Variants in SEPTIN11 observed in about 807,000 individuals in gnomAD.
SEPTIN11 encodes the protein septin 11.
In SEPTIN11, 25 loss-of-function variants were observed where a neutral mutation model predicts 51.4. That is an observed-to-expected ratio of 0.49 (90% CI 0.35 to 0.68). The LOEUF (loss-of-function observed/expected upper bound fraction) is 0.68. Ranked by LOEUF, SEPTIN11 falls within the 30% of genes least tolerant of loss-of-function variation. The pLI is 0.00. For missense variants in SEPTIN11, 381 were observed against 520.8 expected, an observed-to-expected ratio of 0.73 and a Z score of 2.61; for synonymous variants, 174 against 184.1, an observed-to-expected ratio of 0.95 and a Z score of 0.44.
At chr4:76,987,158 C>T (rs1723072511) in intron 1 of SEPTIN11, among the ~76,000 whole-genome samples, 1 of 152,208 alleles carries the variant, frequency 6.6e-6, no homozygotes, top group African/African-American at 2.4e-5. Flanking sequence ...GCTTTGTGAC[C>T]TAGGGGCTGG....
chr4:77,021,205 A>G (rs1332655794), intron 7 of SEPTIN11: 1 of 152,526 alleles, frequency 6.6e-6, no homozygotes, highest in African/African-American at 2.4e-5. Context: ...CTTTTAGGAG[A>G]TCTATGTATT....
chr4:76,958,819 A>T, intron 1 of SEPTIN11: 1 of 1,294,448 alleles, frequency 7.7e-7, no homozygotes, highest in Non-Finnish European at 1.1e-6. Flanking sequence ...ATAAGTTTTA[A>T]ATAGTCAATG....
At chr4:76,986,454 G>A (rs532056724) in intron 1 of SEPTIN11, among the ~76,000 whole-genome samples, 11 of 152,230 alleles carry the variant, frequency 7.2e-5, no homozygotes, top group South Asian at 4.2e-4. Flanking sequence ...GGCAAGGATG[G>A]GCAAGAAAAG....
In SEPTIN11 at chr4:77,038,591, A is replaced by G. The variant is rs4859733; in HGVS notation, c.*4079A>G. 2 of 993,968 alleles carry G rather than the reference A, an allele frequency of 2.0e-6. No homozygotes were observed. The highest frequency in any genetic ancestry group is 1.7e-5 in the African/African-American group (1 of 57,294). 61.6% of individuals were successfully genotyped at this position (993,968 alleles called of 1,614,324 possible). ...CTAGTGCCAAGACATAAAGCGGGGG[A>G]AAATATATTTTTACCCAAACATTAT... On this transcript the variant is annotated 3_prime_UTR_variant, in exon 10 of 10. Transcript: ENST00000264893.
At chr4:76,976,471 A>G (rs1322861611) in intron 1 of SEPTIN11, among the ~76,000 whole-genome samples, 2 of 152,162 alleles carry the variant, frequency 1.3e-5, no homozygotes, top group Non-Finnish European at 2.9e-5. Context: ...AATGGCTTTC[A>G]ACCGTTCTAA....
rs116582288 is a variant in SEPTIN11 at position 76,973,667 on chromosome 4, C to T, written c.28-22758C>T. 3.8e-3 allele frequency among the ~76,000 whole-genome samples: 580 copies of T among 152,294 alleles called. 7 individuals carry two copies. The highest frequency in any genetic ancestry group is 0.013 in the African/African-American group (559 of 41,548). ...CTATTTATTTGGAAATATTCTGAAGCGATTCACTGGTATAATTTCATAGTG... is the reference window on the plus strand; with the variant it reads ...CTATTTATTTGGAAATATTCTGAAGTGATTCACTGGTATAATTTCATAGTG... On this transcript the variant is annotated intron_variant, in intron 1 of 9. Transcript: ENST00000264893.
rs1725290748 is a variant in SEPTIN11, at chr4:77,016,633, C to CATATATATATATATGTATAT, written c.687+1630_687+1631insGTATATATATATATATATAT. ...ATATACACATATATATATATATACACATATATATATATATATATATATACA... is the reference window on the plus strand; with the variant it reads ...ATATACACATATATATATATATACACATATATATATATATGTATATATATATATATATATATATATATACA... On this transcript the variant is annotated intron_variant, in intron 5 of 9. Coordinates refer to ENST00000264893, the MANE Select transcript of SEPTIN11 (RefSeq NM_018243.4). Among the ~76,000 whole-genome samples, 3 of 72,746 alleles carry CATATATATATATATGTATAT rather than the reference C, an allele frequency of 4.1e-5. No individual in the cohort carries two copies. In the South Asian group the frequency reaches 1.3e-3, roughly 31 times the overall value. The allele number at this position is 72,746 out of a possible 152,430, so 47.7% of individuals were successfully genotyped here.
Position 77,038,274 on chromosome 4 carries a change from A to T in SEPTIN11, c.*3762A>T. 3 of 985,682 alleles carry T rather than the reference A, an allele frequency of 3.0e-6. No individual in the cohort carries two copies. Among genetic ancestry groups the T allele is most frequent in the Non-Finnish European group, 3.6e-6 (3 of 829,730 alleles). The allele number at this position is 985,682 out of a possible 1,614,324, so 61.1% of individuals were successfully genotyped here. A position where few individuals can be genotyped will look rare whatever the true frequency, so the allele number is the denominator to read the frequency against. On this transcript the variant is annotated 3_prime_UTR_variant, in exon 10 of 10. Coordinates refer to ENST00000264893, the MANE Select transcript of SEPTIN11 (RefSeq NM_018243.4). Reference sequence around the variant, plus strand: ...AGAACTTTGTCTATTTCTTAATTTTAAAATATGCTGATATGCCTTAAACTG... The same window carrying T: ...AGAACTTTGTCTATTTCTTAATTTTTAAATATGCTGATATGCCTTAAACTG...
At chr4:76,998,815 A>G (rs1054237670) in intron 2 of SEPTIN11, among the ~76,000 whole-genome samples, 3 of 152,072 alleles carry the variant, frequency 2.0e-5, no homozygotes, top group Non-Finnish European at 4.4e-5. Context: ...GGGAAGGAAC[A>G]AGGCATTCCT....
At chr4:77,030,658 G>A in intron 8 of SEPTIN11, 125 bp from the exon 9 acceptor site, 1 of 814,976 alleles carries the variant, frequency 1.2e-6, no homozygotes. Context: ...GCCTCCCAAA[G>A]TGCTGAAATT....
intron 2 of SEPTIN11, among the ~76,000 whole-genome samples, chr4:76,999,913 T>C (rs1436034231): frequency 6.6e-6 from 1 of 152,224 alleles, no homozygotes; most frequent in East Asian, 1.9e-4. Context: ...TTAGTTTAAA[T>C]AAAGCCTTTC....
intron 2 of SEPTIN11, among the ~76,000 whole-genome samples, chr4:77,000,629 A>G (rs974222819): frequency 2.0e-5 from 3 of 152,238 alleles, no homozygotes; most frequent in African/African-American, 4.8e-5. Flanking sequence ...TATAGTATCT[A>G]TAAAGTAAAA....
At chr4:76,995,760 A>G (rs1359839892) in intron 1 of SEPTIN11, 4 of 1,459,204 alleles carry the variant, frequency 2.7e-6, no homozygotes, top group Admixed American at 2.6e-5. Flanking sequence ...TTTAAAATGT[A>G]TGATAACTAC....
intron 1 of SEPTIN11, chr4:76,995,691 T>C (rs527571606): frequency 8.3e-7 from 1 of 1,203,992 alleles, no homozygotes; most frequent in East Asian, 2.7e-5. Context: ...TACCATTTTA[T>C]ATAACAGCAT....
intron 7 of SEPTIN11, among the ~76,000 whole-genome samples, chr4:77,026,906 T>C (rs1726188766): frequency 6.6e-6 from 1 of 152,246 alleles, no homozygotes; most frequent in Admixed American, 6.5e-5. Context: ...TCTCCATTGC[T>C]ATAGATCTTA....
intron 3 of SEPTIN11, among the ~76,000 whole-genome samples, chr4:77,007,057 A>G (rs2109950035): frequency 6.6e-6 from 1 of 152,338 alleles, no homozygotes; most frequent in South Asian, 2.1e-4. Context: ...GAACAAGTTC[A>G]GCTCTGACAC....
intron 6 of SEPTIN11, 124 bp downstream of exon 6, chr4:77,019,385 TG>T (rs1725531740): frequency 4.4e-6 from 3 of 681,608 alleles, no homozygotes; most frequent in East Asian, 5.9e-5. Context: ...GAGGGAGTGG[TG>T]GGGCTCCACA....
intron 1 of SEPTIN11, chr4:76,974,643 T>G (rs1722403983): frequency 2.4e-6 from 1 of 412,506 alleles, no homozygotes; most frequent in African/African-American, 2.1e-5. Flanking sequence ...CGTTTCACAC[T>G]GCCAAGTGGA....
chr4:77,006,355 T>G (rs1032841230), intron 3 of SEPTIN11, among the ~76,000 whole-genome samples: 1 of 152,184 alleles, frequency 6.6e-6, no homozygotes, highest in Admixed American at 6.5e-5. Context: ...CCATGAGTTA[T>G]CTTTTGCCCT....
Sources: allele counts gnomAD v4.1 joint callset (sites outside exome capture counted in the v4.1 genomes callset), GRCh38; gene constraint gnomAD v4.1.1; transcripts MANE v1.5; gene names NCBI Gene and HGNC (gene_info 2026-07-23, HGNC 2026-07-21).